MSH6: variants seen among roughly 807,000 people sequenced by gnomAD.
MSH6 encodes DNA mismatch repair protein Msh6.
A neutral mutation model predicts 119.1 loss-of-function variants in MSH6; 85 were observed. The observed-to-expected ratio is 0.71, with a 90% CI of 0.60 to 0.85. The LOEUF (loss-of-function observed/expected upper bound fraction) is 0.85. Among genes scored for constraint, MSH6 ranks in the 40% least tolerant of loss-of-function variants. The probability of loss-of-function intolerance (pLI) is 0.00; values close to 1 mark genes in which losing one functional copy is unlikely to be tolerated. For missense variants in MSH6, 2,163 were observed against 1,655.3 expected, an observed-to-expected ratio of 1.31 and a Z score of -5.32; for synonymous variants, 830 against 586.9, an observed-to-expected ratio of 1.41 and a Z score of -5.99.
Position 47,799,374 on chromosome 2 carries a change from T to C in MSH6, c.1391T>C (p.Ile464Thr), listed in dbSNP as rs1572722813. Residue 464 changes from isoleucine to threonine, a missense_variant, in exon 4 of 10, where the codon ATT becomes ACT. Transcript: ENST00000234420. Reference sequence around the variant, plus strand: ...TGGGCCCATTCTGGCTTTCCTGAAATTGCATTTGGCCGTTATTCAGATTCC... The same window carrying C: ...TGGGCCCATTCTGGCTTTCCTGAAACTGCATTTGGCCGTTATTCAGATTCC... ...GNWAHSGFPE[I>T]AFGRYSDSLV... The C allele has an allele frequency of 6.2e-7, 1 of 1,614,144 alleles. No homozygotes were observed.
rs369488273 is a variant in MSH6 at position 47,797,276 on chromosome 2, A to G, written c.627+1213A>G. ...AAGACATTCATCTATAACTAAGCTC[A>G]GTTTCATGTTTTGTTCCTTTTTCAA... On this transcript the variant is annotated intron_variant, in intron 3 of 9. Coordinates refer to ENST00000234420, the MANE Select transcript of MSH6 (RefSeq NM_000179.3). Among the ~76,000 whole-genome samples the G allele has an allele frequency of 3.3e-4, 51 of 152,350 alleles. No individual in the cohort carries two copies. In the East Asian group the frequency reaches 8.7e-3, roughly 26 times the overall value.
chr2:47,809,601 T>A, downstream of MSH6: 1 of 1,608,174 alleles, frequency 6.2e-7, no homozygotes, highest in Non-Finnish European at 8.5e-7. Context: ...CCAACATACC[T>A]TTCATTGTCA....
chr2:47,804,426 T>C (rs1209753789), intron 5 of MSH6, among the ~76,000 whole-genome samples: 3 of 152,184 alleles, frequency 2.0e-5, no homozygotes, highest in African/African-American at 7.2e-5. Flanking sequence ...TCCTGCATTA[T>C]AGTATACTTC....
chr2:47,798,518 A>G, intron 3 of MSH6, 93 bp from the exon 4 acceptor site: 1 of 1,368,396 alleles, frequency 7.3e-7, no homozygotes, highest in African/African-American at 1.4e-5. Context: ...CACGGGTACC[A>G]TTATAAAGTC....
intron 1 of MSH6, among the ~76,000 whole-genome samples, chr2:47,788,311 G>A (rs2104025691): frequency 7.6e-6 from 1 of 131,088 alleles, no homozygotes; most frequent in South Asian, 2.4e-4. Context: ...CTGGAGTGCA[G>A]TGGCACGATC....
chr2:47,784,304 G>A, intron 1 of MSH6: 5 of 919,392 alleles, frequency 5.4e-6, no homozygotes, highest in Non-Finnish European at 6.5e-6. Flanking sequence ...AATTCGTGTC[G>A]AGTGGAAAAT....
At chr2:47,786,191 G>T (rs1668335663) in intron 1 of MSH6, among the ~76,000 whole-genome samples, 1 of 152,158 alleles carries the variant, frequency 6.6e-6, no homozygotes, top group South Asian at 2.1e-4. Flanking sequence ...GGAAGAGGAA[G>T]GTCTGCAAAT....
At chr2:47,786,473 TACAGGTGCC>T (rs1025824063) in intron 1 of MSH6, among the ~76,000 whole-genome samples, 10 of 151,632 alleles carry the variant, frequency 6.6e-5, no homozygotes, top group Non-Finnish European at 1.5e-4. Flanking sequence ...TACCTGGTAT[TACAGGTGCC>T]TGCCACCACG....
Position 47,804,759 on chromosome 2 carries a change from G to A in MSH6, c.3439-151G>A, listed in dbSNP as rs560350568. On this transcript the variant is annotated intron_variant, in intron 5 of 9. Coordinates refer to ENST00000234420, the MANE Select transcript of MSH6 (RefSeq NM_000179.3). ...CTTAGCCTCAACTTTCTCCATGTTA[G>A]CAAATGGATTTCAGAACAGAACCAA... 1.1e-4 allele frequency: 79 copies of A among 700,548 alleles called. No individual in the cohort carries two copies. In the African/African-American group the frequency reaches 1.1e-3, roughly 10 times the overall value. 43.4% of individuals were successfully genotyped at this position (700,548 alleles called of 1,614,324 possible).
rs1553408435 is a variant in MSH6 at position 47,783,483 on chromosome 2, G to A, written c.250G>A (p.Ala84Thr). 1 of 1,431,574 alleles carries A rather than the reference G, an allele frequency of 7.0e-7. No homozygotes were observed. Among genetic ancestry groups the A allele is most frequent in the Non-Finnish European group, 9.2e-7 (1 of 1,092,806 alleles). The allele number at this position is 1,431,574 out of a possible 1,614,324, so 88.7% of individuals were successfully genotyped here. A position where few individuals can be genotyped will look rare whatever the true frequency, so the allele number is the denominator to read the frequency against. Residue 84 changes from alanine (A) to threonine (T), a missense_variant, in exon 1 of 10, where the codon GCC (alanine) becomes ACC (threonine). Ala to Thr is a moderately conservative substitution (Grantham distance 58). Transcript: ENST00000234420. The stretch of plus-strand genomic sequence containing the variant: ...GCTGCGGAGATCGGTAGCGCCTGCT[G>A]CCCCCACCAGGTAGCGGGGTGGGGG... The part of the protein sequence containing the change: ...GGLRRSVAPA[A>T]PTSCDFSPGD...
At position 47,791,071 on chromosome 2, in the gene MSH6, T is replaced by C; in HGVS notation, c.405T>C (p.Asp135=). 6.2e-7 allele frequency: 1 copy of C among 1,614,214 alleles called. No homozygotes were observed. The change falls in exon 2 of 10, where the codon GAT becomes GAC. Residue 135 remains aspartate, a synonymous_variant. Transcript: ENST00000234420. ...KSVRVHVQFF[D]DSPTRGWVSK... ...TCCGTGTTCATGTACAGTTTTTTGA[T>C]GACAGCCCAACAAGGGGCTGGGTTA...
Position 47,791,070 on chromosome 2 carries a change from A to C in MSH6, c.404A>C (p.Asp135Ala). 1 of 1,614,178 alleles carries C rather than the reference A, an allele frequency of 6.2e-7. No homozygotes were observed. The highest frequency in any genetic ancestry group is 8.5e-7 in the Non-Finnish European group (1 of 1,180,030). Residue 135 changes from aspartate to alanine, a missense_variant, in exon 2 of 10, where the codon GAT becomes GCT. Physicochemically the swap from Asp to Ala is moderately radical, Grantham distance 126 (BLOSUM62 -2). Coordinates refer to ENST00000234420, the MANE Select transcript of MSH6 (RefSeq NM_000179.3). ...GTCCGTGTTCATGTACAGTTTTTTG[A>C]TGACAGCCCAACAAGGGGCTGGGTT... ...KSVRVHVQFFDDSPTRGWVSK... is the reference protein window; with the variant it reads ...KSVRVHVQFFADSPTRGWVSK...
chr2:47,808,025 C>T, downstream of MSH6: 1 of 1,166,086 alleles, frequency 8.6e-7, no homozygotes, highest in Non-Finnish European at 1.2e-6. Flanking sequence ...CAGTCTCTTC[C>T]TGTAGCATGG....
At chr2:47,784,017 GC>G (rs973448662) in intron 1 of MSH6, 1 of 1,023,568 alleles carries the variant, frequency 9.8e-7, no homozygotes, top group African/African-American at 1.7e-5. Context: ...GTGAGTTGGG[GC>G]TCCAGTAGTC....
rs371301277 is a variant in MSH6, at chr2:47,806,869, C to A, written c.*9C>A. 1 of 1,597,688 alleles carries A rather than the reference C, an allele frequency of 6.3e-7. No homozygotes were observed. The highest frequency in any genetic ancestry group is 8.6e-7 in the Non-Finnish European group (1 of 1,166,324). On this transcript the variant is annotated 3_prime_UTR_variant, in exon 10 of 10. Transcript: ENST00000234420. ...TGATTAAGGAATTATAGACTGACTACATTGGAAGCTTTGAGTTGACTTCTG... is the reference window on the plus strand; with the variant it reads ...TGATTAAGGAATTATAGACTGACTAAATTGGAAGCTTTGAGTTGACTTCTG...
intron 4 of MSH6, among the ~76,000 whole-genome samples, chr2:47,801,755 A>C (rs908977580): frequency 6.6e-6 from 1 of 152,136 alleles, no homozygotes. Flanking sequence ...CTCTCGTGTC[A>C]GCCTCTTAGG....
intron 2 of MSH6, among the ~76,000 whole-genome samples, chr2:47,793,737 C>CTT (rs1321229070): frequency 6.8e-6 from 1 of 146,458 alleles, no homozygotes; most frequent in Non-Finnish European, 1.5e-5. Context: ...GGCAGAATTA[C>CTT]TTTTTTTTTT....
At chr2:47,801,219 T>G in intron 4 of MSH6, 64 bp downstream of exon 4, 1 of 1,539,914 alleles carries the variant, frequency 6.5e-7, no homozygotes, top group Non-Finnish European at 8.9e-7. Flanking sequence ...AGCTGTATAT[T>G]ATCCCTAAAA....
intron 1 of MSH6, chr2:47,784,816 T>G (rs113617847): frequency 0.073 from 11,089 of 151,962 alleles, 571 homozygotes; most frequent in Non-Finnish European, 0.11. Flanking sequence ...TTGCTTTTGC[T>G]GTTTGCCAGA....
Sources: gnomAD v4.1 joint callset for allele counts (sites outside exome capture counted in the v4.1 genomes callset) on GRCh38, gnomAD v4.1.1 for gene constraint, MANE v1.5 for transcripts, NCBI Gene and HGNC (gene_info 2026-07-23, HGNC 2026-07-21) for gene names.